ADK: variants seen among roughly 807,000 people sequenced by gnomAD.
The protein encoded by ADK is adenosine kinase.
In ADK, 24 loss-of-function variants were observed where a neutral mutation model predicts 44.7. The observed-to-expected ratio is 0.54, with a 90% CI of 0.39 to 0.76. ADK has a LOEUF of 0.76. Among genes scored for constraint, ADK ranks in the 30% least tolerant of loss-of-function variants. The probability of loss-of-function intolerance (pLI) is 0.00; values close to 1 mark genes in which losing one functional copy is unlikely to be tolerated. For synonymous variants in ADK, 128 were observed against 142.6 expected, an observed-to-expected ratio of 0.90 and a Z score of 0.73; for missense variants, 321 against 425.1, an observed-to-expected ratio of 0.76 and a Z score of 2.15.
chr10:74,403,957 C>T (rs190386263), intron 6 of ADK, among the ~76,000 whole-genome samples: 195 of 152,236 alleles, frequency 1.3e-3, no homozygotes, highest in Middle Eastern at 3.4e-3. Context: ...CTGCAACCTC[C>T]GCCTCCTGGG....
rs184084024 is a variant in ADK, at chr10:74,471,128, G to A, written c.556-54128G>A. Among the ~76,000 whole-genome samples, 553 of 150,228 alleles carry A rather than the reference G, an allele frequency of 3.7e-3. 2 individuals carry two copies. Among genetic ancestry groups the A allele is most frequent in the Non-Finnish European group, 6.3e-3 (425 of 67,854 alleles). On this transcript the variant is annotated intron_variant, in intron 6 of 10. Transcript: ENST00000539909. The stretch of plus-strand genomic sequence containing the variant: ...CTCACTCTGTTGCCCAGGCTGGAGT[G>A]CAGTGGTATGATCTCTGCTCACTGC...
chr10:74,591,495 T>A (rs184550794), intron 8 of ADK, among the ~76,000 whole-genome samples: 1 of 152,286 alleles, frequency 6.6e-6, no homozygotes, highest in Admixed American at 6.5e-5. Context: ...TAGATATTTT[T>A]AATCAAATGT....
chr10:74,352,243 C>T (rs555823239), intron 4 of ADK, among the ~76,000 whole-genome samples: 1 of 152,182 alleles, frequency 6.6e-6, no homozygotes, highest in African/African-American at 2.4e-5. Context: ...ACCAATGAAA[C>T]AGAACAGAGG....
rs1454023507 is a variant in ADK, at chr10:74,394,187, T to C, written c.320T>C (p.Ile107Thr). 3 of 1,614,006 alleles carry C rather than the reference T, an allele frequency of 1.9e-6. No individual in the cohort carries two copies. In the South Asian group the frequency reaches 3.3e-5, roughly 18 times the overall value. Reference sequence around the variant, plus strand: ...AAAGCAGCAACATTTTTTGGATGCATTGGGATAGATAAATTTGGGGAGATC... The same window carrying C: ...AAAGCAGCAACATTTTTTGGATGCACTGGGATAGATAAATTTGGGGAGATC... The part of the protein sequence containing the change: ...PHKAATFFGC[I>T]GIDKFGEILK... The change falls in exon 5 of 11, where the codon ATT (isoleucine) becomes ACT (threonine). Residue 107 changes from isoleucine to threonine, a missense_variant. Coordinates refer to ENST00000539909, the MANE Select transcript of ADK (RefSeq NM_006721.4).
chr10:74,222,561 C>T (rs566167951), intron 2 of ADK, among the ~76,000 whole-genome samples: 3 of 152,266 alleles, frequency 2.0e-5, no homozygotes, highest in East Asian at 1.9e-4. Flanking sequence ...CACATGCACA[C>T]GTTTGTTTAT....
At chr10:74,391,743 A>T (rs1243174287) in intron 4 of ADK, among the ~76,000 whole-genome samples, 1 of 151,644 alleles carries the variant, frequency 6.6e-6, no homozygotes, top group Non-Finnish European at 1.5e-5. Context: ...CTACCATCTT[A>T]ACCATTTTTA....
At chr10:74,213,197 C>T (rs570361773) in intron 2 of ADK, among the ~76,000 whole-genome samples, 1 of 152,016 alleles carries the variant, frequency 6.6e-6, no homozygotes, top group Non-Finnish European at 1.5e-5. Context: ...CTGTAGCCTC[C>T]CAGGCTTAAG....
intron 1 of ADK, among the ~76,000 whole-genome samples, chr10:74,186,213 T>C (rs922324688): frequency 1.2e-3 from 177 of 149,516 alleles, no homozygotes; most frequent in African/African-American, 4.2e-3. Context: ...TTCCCTTCCC[T>C]TCCTTTCCCT....
At chr10:74,458,591 G>A (rs1424043334) in intron 6 of ADK, among the ~76,000 whole-genome samples, 9 of 151,890 alleles carry the variant, frequency 5.9e-5, no homozygotes, top group African/African-American at 1.5e-4. Context: ...ATATATTATC[G>A]TTCAGTTTGG....
chr10:74,517,436 C>T (rs1848630726), intron 6 of ADK, among the ~76,000 whole-genome samples: 1 of 151,842 alleles, frequency 6.6e-6, no homozygotes, highest in South Asian at 2.1e-4. Flanking sequence ...CACCTGTAAC[C>T]CCAGCACTTT....
In ADK at chr10:74,394,170, A is replaced by G; in HGVS notation, c.303A>G (p.Ala101=). The G allele has an allele frequency of 1.2e-6, 2 of 1,614,052 alleles. No homozygotes were observed. Among genetic ancestry groups the G allele is most frequent in the Non-Finnish European group, 1.7e-6 (2 of 1,179,944 alleles). Residue 101 remains alanine, a synonymous_variant, in exon 5 of 11, where the codon GCA becomes GCG. Coordinates refer to ENST00000539909, the MANE Select transcript of ADK (RefSeq NM_006721.4). The part of the protein sequence containing the change: ...QWMIQQPHKA[A]TFFGCIGIDK... ...TGATTCAACAGCCACACAAAGCAGC[A>G]ACATTTTTTGGATGCATTGGGATAG...
rs568273367 is a variant in ADK at position 74,206,226 on chromosome 10, A to G, written c.140+5388A>G. On this transcript the variant is annotated intron_variant, in intron 2 of 10. Transcript: ENST00000539909. ...AACCCATAAATGTAGAACATTTTATATGGGAAGCAAGAATTGAAATTTGGG... is the reference window on the plus strand; with the variant it reads ...AACCCATAAATGTAGAACATTTTATGTGGGAAGCAAGAATTGAAATTTGGG... Among the ~76,000 whole-genome samples, 11 of 152,376 alleles carry G rather than the reference A, an allele frequency of 7.2e-5. No homozygotes were observed. In the East Asian group the frequency reaches 1.9e-3, roughly 27 times the overall value.
intron 10 of ADK, among the ~76,000 whole-genome samples, chr10:74,675,368 A>T (rs1589360127): frequency 6.6e-6 from 1 of 152,208 alleles, no homozygotes; most frequent in Non-Finnish European, 1.5e-5. Context: ...TTAAATTCGT[A>T]GTTCCATCTC....
chr10:74,255,752 A>G (rs1845800295), intron 3 of ADK, among the ~76,000 whole-genome samples: 1 of 152,246 alleles, frequency 6.6e-6, no homozygotes, highest in East Asian at 1.9e-4. Flanking sequence ...GGAATTTGTT[A>G]AGCAAACTTA....
chr10:74,410,263 A>G (rs1259391026), intron 6 of ADK, among the ~76,000 whole-genome samples: 3 of 152,078 alleles, frequency 2.0e-5, no homozygotes, highest in South Asian at 2.1e-4. Flanking sequence ...AGAACGTGCC[A>G]TCTAGTATTC....
intron 3 of ADK, among the ~76,000 whole-genome samples, chr10:74,289,206 T>G (rs537576390): frequency 1.3e-5 from 2 of 152,284 alleles, no homozygotes; most frequent in East Asian, 3.9e-4. Flanking sequence ...TACAATTTAT[T>G]TATTTGTTTA....
intron 7 of ADK, among the ~76,000 whole-genome samples, chr10:74,567,113 T>G (rs754012322): frequency 1.2e-4 from 19 of 152,216 alleles, no homozygotes; most frequent in Non-Finnish European, 2.2e-4. Context: ...AATTCAAGTT[T>G]CTAGATTCCA....
At chr10:74,254,882 T>C (rs1279620293) in intron 3 of ADK, among the ~76,000 whole-genome samples, 1 of 152,246 alleles carries the variant, frequency 6.6e-6, no homozygotes, top group Non-Finnish European at 1.5e-5. Flanking sequence ...GAGAGTTTTA[T>C]GGCTAGTGGA....
chr10:74,254,026 C>G (rs1282995675), intron 3 of ADK, among the ~76,000 whole-genome samples: 1 of 152,108 alleles, frequency 6.6e-6, no homozygotes, highest in African/African-American at 2.4e-5. Context: ...CTCAGCCTCC[C>G]AAAGTGCTGG....
Sources: gnomAD v4.1 joint callset for allele counts (sites outside exome capture counted in the v4.1 genomes callset) on GRCh38, gnomAD v4.1.1 for gene constraint, MANE v1.5 for transcripts, NCBI Gene and HGNC (gene_info 2026-07-23, HGNC 2026-07-21) for gene names.